The following NUP98 variants were observed in gnomAD, a reference collection of about 807,000 sequenced individuals.
NUP98 encodes the protein nuclear pore complex protein Nup98-Nup96.
NUP98 carries 26 observed loss-of-function variants against 191.9 expected under a neutral mutation model. That is an observed-to-expected ratio of 0.14 (90% confidence interval 0.10 to 0.19). The LOEUF is 0.19. Among genes scored for constraint, NUP98 ranks in the 10% least tolerant of loss-of-function variants. The probability of loss-of-function intolerance (pLI) is 1.00; values close to 1 mark genes in which losing one functional copy is unlikely to be tolerated. For missense variants in NUP98, 1,941 were observed against 2,178.8 expected, an observed-to-expected ratio of 0.89 and a Z score of 2.17; for synonymous variants, 808 against 778.4, an observed-to-expected ratio of 1.04 and a Z score of -0.63.
At chr11:3,755,673 C>T (rs2080934948) in intron 10 of NUP98, among the ~76,000 whole-genome samples, 1 of 151,890 alleles carries the variant, frequency 6.6e-6, no homozygotes, top group South Asian at 2.1e-4. Flanking sequence ...TTTTAAAATT[C>T]AAGCAAGCAG....
chr11:3,774,650 G>C (rs1281731866), intron 5 of NUP98, among the ~76,000 whole-genome samples: 1 of 152,034 alleles, frequency 6.6e-6, no homozygotes, highest in Non-Finnish European at 1.5e-5. Flanking sequence ...CCAGGAGGCA[G>C]AGGTTGCAGT....
intron 18 of NUP98, among the ~76,000 whole-genome samples, chr11:3,717,435 AT>A (rs2079225564): frequency 6.6e-6 from 1 of 152,024 alleles, no homozygotes; most frequent in Non-Finnish European, 1.5e-5. Flanking sequence ...ATTTGTGTAT[AT>A]TTTATTCTTT....
chr11:3,787,611 G>GT (rs1468498414), intron 1 of NUP98, among the ~76,000 whole-genome samples: 1 of 151,814 alleles, frequency 6.6e-6, no homozygotes, highest in South Asian at 2.1e-4. Context: ...TCTAAAAATC[G>GT]TATCTCCTTT....
chr11:3,723,128 G>C, intron 16 of NUP98, 29 bp downstream of exon 16: 3 of 1,601,852 alleles, frequency 1.9e-6, no homozygotes, highest in South Asian at 2.2e-5. Context: ...ACTGGTAAGA[G>C]ATTAAACATG....
At chr11:3,737,543 C>T (rs1312910605) in intron 12 of NUP98, among the ~76,000 whole-genome samples, 4 of 152,084 alleles carry the variant, frequency 2.6e-5, no homozygotes, top group Non-Finnish European at 5.9e-5. Flanking sequence ...AGGAGAATGG[C>T]GTGAACCCAG....
chr11:3,726,212 A>T (rs1225002929), intron 14 of NUP98, among the ~76,000 whole-genome samples: 2 of 151,344 alleles, frequency 1.3e-5, no homozygotes, highest in Non-Finnish European at 2.9e-5. Context: ...ACAAAAACAT[A>T]AAAAAAAAGA....
chr11:3,779,242 G>A lies in NUP98; in HGVS notation c.92C>T (p.Thr31Ile), dbSNP rs371864624. ...TGTTCCAAATGCCCCTCCACTAGTA[G>A]TGCCAAAGCCAGTATCTGAAAAAGC... is the stretch of plus-strand genomic sequence containing the variant. ...STFGQNTGFG[T>I]TSGGAFGTSA... The change falls in exon 3 of 33, where the codon ACT becomes ATT. Residue 31 changes from threonine (T) to isoleucine (I), a missense_variant. By Grantham distance (89) the Thr-to-Ile change is moderately conservative. Transcript: ENST00000324932. 4 of 1,613,940 alleles carry A rather than the reference G, an allele frequency of 2.5e-6. No homozygotes were observed. The highest frequency in any genetic ancestry group is 4.5e-5 in the East Asian group (2 of 44,888).
intron 28 of NUP98, among the ~76,000 whole-genome samples, chr11:3,689,466 G>T (rs2078238494): frequency 6.6e-6 from 1 of 152,014 alleles, no homozygotes; most frequent in Non-Finnish European, 1.5e-5. Flanking sequence ...GGCAGAGCTT[G>T]CAGTGAGCTG....
Position 3,683,341 on chromosome 11 carries a change from G to A in NUP98, c.4777C>T (p.Arg1593Cys), listed in dbSNP as rs140035381. The A allele has an allele frequency of 1.5e-5, 24 of 1,614,050 alleles. No homozygotes were observed. The highest frequency in any genetic ancestry group is 2.7e-5 in the African/African-American group (2 of 74,908). Reference sequence around the variant, plus strand: ...TCGTGGATCCATTTGGCAGGTACACGGAGCTTCTGGGTAAGGAAAGTCTCT... The same window carrying A: ...TCGTGGATCCATTTGGCAGGTACACAGAGCTTCTGGGTAAGGAAAGTCTCT... Reference protein sequence around the residue: ...AKETFLTQKLRVPAKWIHEAK... With the variant: ...AKETFLTQKLCVPAKWIHEAK... Residue 1593 changes from arginine (R) to cysteine (C), a missense_variant, in exon 30 of 33, where the codon CGT (arginine) becomes TGT (cysteine). Physicochemically the swap from Arg to Cys is radical, Grantham distance 180. Coordinates refer to ENST00000324932, the MANE Select transcript of NUP98 (RefSeq NM_016320.5).
rs2078309204 is a variant in NUP98 at position 3,691,488 on chromosome 11, T to C, written c.4313A>G (p.Asn1438Ser). 2 of 1,613,974 alleles carry C rather than the reference T, an allele frequency of 1.2e-6. No homozygotes were observed. The highest frequency in any genetic ancestry group is 1.7e-6 in the Non-Finnish European group (2 of 1,179,872). The change falls in exon 28 of 33, where the codon AAT becomes AGT. Residue 1438 changes from asparagine (N) to serine (S), a missense_variant and splice_region_variant. This residue lies in a region of NUP98 where 1,030 missense variants were observed against 1,115.8 expected (regional missense o/e 0.92). Transcript: ENST00000324932. Reference sequence around the variant, plus strand: ...GGCATATCTGTCACTGTCAGAGGTATTCTGAAGGAATAATTTGATAAAACA... The same window carrying C: ...GGCATATCTGTCACTGTCAGAGGTACTCTGAAGGAATAATTTGATAAAACA... ...ALSMYEEAFQNTSDSDRYACS... is the reference protein window; with the variant it reads ...ALSMYEEAFQSTSDSDRYACS...
chr11:3,746,169 T>C (rs1005446294), intron 11 of NUP98, among the ~76,000 whole-genome samples: 2 of 148,444 alleles, frequency 1.3e-5, no homozygotes, highest in Non-Finnish European at 3.0e-5. Context: ...CTCGGGAGGC[T>C]GAGGCAGGAG....
chr11:3,789,917 T>C (rs568414443), intron 1 of NUP98, among the ~76,000 whole-genome samples: 1 of 152,104 alleles, frequency 6.6e-6, no homozygotes, highest in African/African-American at 2.4e-5. Flanking sequence ...CTCGAGAAGA[T>C]GGGACTACAG....
chr11:3,740,281 C>T (rs1046383046), intron 12 of NUP98, among the ~76,000 whole-genome samples: 8 of 152,014 alleles, frequency 5.3e-5, no homozygotes, highest in Non-Finnish European at 7.4e-5. Flanking sequence ...GAGGCCGAAG[C>T]GAGAGGATTG....
intron 18 of NUP98, among the ~76,000 whole-genome samples, chr11:3,716,044 C>T (rs1357296903): frequency 1.3e-5 from 2 of 152,174 alleles, no homozygotes; most frequent in Admixed American, 1.3e-4. Flanking sequence ...TGCCTTTTCA[C>T]TTGTCTTTTG....
In NUP98 at chr11:3,720,662, A is replaced by C. The variant is rs755013012; in HGVS notation, c.2260+50T>G. 5.1e-6 allele frequency: 5 copies of C among 988,762 alleles called. No homozygotes were observed. The East Asian group carries it at 1.2e-4, about 24-fold the overall frequency. 61.2% of individuals were successfully genotyped at this position (988,762 alleles called of 1,614,324 possible). ...TCAAAAGCTTCCCCTAATTACAAAA[A>C]TAAGGTGCAACTCTCTGGCTTAATC... On this transcript the variant is annotated intron_variant, in intron 17 of 32. Transcript: ENST00000324932.
At position 3,797,502 on chromosome 11, in the gene NUP98, C is replaced by A. The variant is rs1033155903; in HGVS notation, c.-131G>T. 110 of 437,202 alleles carry A rather than the reference C, an allele frequency of 2.5e-4. No homozygotes were observed. Among genetic ancestry groups the A allele is most frequent in the Non-Finnish European group, 3.9e-4 (98 of 248,942 alleles). 27.1% of individuals were successfully genotyped at this position (437,202 alleles called of 1,614,324 possible). On this transcript the variant is annotated 5_prime_UTR_variant, in exon 1 of 33. Coordinates refer to ENST00000324932, the MANE Select transcript of NUP98 (RefSeq NM_016320.5). ...ACGAAACCGTCGCCGCCGCCGCTAC[C>A]ACCCCTGCCACCGACCGCCGCTTCG...
At chr11:3,796,975 ACTTC>A (rs2082653563) in intron 1 of NUP98, among the ~76,000 whole-genome samples, 1 of 152,238 alleles carries the variant, frequency 6.6e-6, no homozygotes, top group Admixed American at 6.5e-5. Context: ...CGGGGTGCCC[ACTTC>A]CCTTATGGAG....
chr11:3,787,508 G>C (rs547888106), intron 1 of NUP98, among the ~76,000 whole-genome samples: 1 of 152,068 alleles, frequency 6.6e-6, no homozygotes, highest in Non-Finnish European at 1.5e-5. Flanking sequence ...GCTCGAACCC[G>C]GAAGGCAGAG....
At chr11:3,696,837 CA>C (rs940490455) in intron 25 of NUP98, 2 of 141,152 alleles carry the variant, frequency 1.4e-5, no homozygotes, top group Admixed American at 6.9e-5. Flanking sequence ...AAACAAAAAA[CA>C]AAAAAAAAGG....
Sources: gnomAD v4.1 joint callset for allele counts (sites outside exome capture counted in the v4.1 genomes callset) on GRCh38, gnomAD v4.1.1 for gene constraint, gnomAD v4.1.1 regional missense constraint, MANE v1.5 for transcripts, NCBI Gene and HGNC (gene_info 2026-07-23, HGNC 2026-07-21) for gene names.